GRIA4: variants seen among roughly 807,000 people sequenced by gnomAD.
GRIA4 encodes the protein glutamate ionotropic receptor AMPA type subunit 4.
Under a neutral mutation model 104.0 loss-of-function variants are expected in GRIA4, and 34 were observed. The observed-to-expected ratio is 0.33, with a 90% CI of 0.25 to 0.44. The LOEUF is 0.44. Among genes scored for constraint, GRIA4 ranks in the 20% least tolerant of loss-of-function variants. The probability of loss-of-function intolerance (pLI) is 1.00; values close to 1 mark genes in which losing one functional copy is unlikely to be tolerated. For synonymous variants in GRIA4, 386 were observed against 381.9 expected (o/e 1.01, Z -0.13); for missense variants, 750 against 1,096.5 (o/e 0.68, Z 4.46).
rs1859256013 is a variant in GRIA4, at chr11:105,981,632, T to C, written c.*1893T>C. The C allele has an allele frequency of 6.7e-6, 1 of 148,280 alleles. No homozygotes were observed. The highest frequency in any genetic ancestry group is 2.5e-5 in the African/African-American group (1 of 39,820). 9.2% of individuals were successfully genotyped at this position (148,280 alleles called of 1,614,324 possible). On this transcript the variant is annotated 3_prime_UTR_variant, in exon 17 of 17. Transcript: ENST00000282499. ...ATTCCAAGCTCTTGAGAAGATCACA[T>C]GAGCCCCTTCATGACCTGGCGCTTG... is the stretch of plus-strand genomic sequence containing the variant.
At chr11:105,788,221 T>A (rs1257669036) in intron 4 of GRIA4, among the ~76,000 whole-genome samples, 1 of 152,188 alleles carries the variant, frequency 6.6e-6, no homozygotes, top group African/African-American at 2.4e-5. Flanking sequence ...TAAGACATTT[T>A]ATTATTAGAA....
In GRIA4 at chr11:105,884,220, C is replaced by T. The variant is rs142776145; in HGVS notation, c.673-3299C>T. 4.6e-5 allele frequency among the ~76,000 whole-genome samples: 7 copies of T among 152,354 alleles called. No homozygotes were observed. The East Asian group carries it at 1.3e-3, about 29-fold the overall frequency. On this transcript the variant is annotated intron_variant, in intron 5 of 16. Transcript: ENST00000282499. Reference sequence around the variant, plus strand: ...AGCCACACTTGTGTGAACACAGTTCCATTTTATATTCCTATCTTTCAACTC... The same window carrying T: ...AGCCACACTTGTGTGAACACAGTTCTATTTTATATTCCTATCTTTCAACTC...
At chr11:105,637,948 T>A (rs1444612945) in intron 3 of GRIA4, among the ~76,000 whole-genome samples, 1 of 152,198 alleles carries the variant, frequency 6.6e-6, no homozygotes, top group Admixed American at 6.6e-5. Context: ...TTTAATTTCA[T>A]TCATTTATTT....
chr11:105,672,703 T>C (rs1952413119), intron 3 of GRIA4, among the ~76,000 whole-genome samples: 2 of 152,092 alleles, frequency 1.3e-5, no homozygotes, highest in Admixed American at 1.3e-4. Context: ...TCTTGCTGCA[T>C]TGGCACCTTT....
intron 3 of GRIA4, among the ~76,000 whole-genome samples, chr11:105,631,315 G>A (rs1951030403): frequency 6.6e-6 from 1 of 152,138 alleles, no homozygotes; most frequent in African/African-American, 2.4e-5. Context: ...TGAGCCAGAG[G>A]ATAGCTTAAG....
intron 3 of GRIA4, among the ~76,000 whole-genome samples, chr11:105,620,258 A>C (rs1950707212): frequency 1.3e-5 from 2 of 151,910 alleles, no homozygotes; most frequent in Admixed American, 1.3e-4. Context: ...TTGTAATAAT[A>C]ATAACTACTA....
chr11:105,912,409 A>C, intron 10 of GRIA4: 1 of 961,400 alleles, frequency 1.0e-6, no homozygotes, highest in Non-Finnish European at 1.2e-6. Context: ...GGACTGGACA[A>C]ATAAATCTTA....
intron 3 of GRIA4, among the ~76,000 whole-genome samples, chr11:105,657,485 C>T (rs1272428165): frequency 2.6e-5 from 4 of 151,878 alleles, no homozygotes; most frequent in Non-Finnish European, 4.4e-5. Context: ...AGAAGTTATT[C>T]TTCAATGCAC....
chr11:105,901,783 T>C lies in GRIA4; in HGVS notation c.886-2031T>C, dbSNP rs150763934. 3.5e-4 allele frequency among the ~76,000 whole-genome samples: 54 copies of C among 152,288 alleles called. No individual in the cohort carries two copies. In the East Asian group the frequency reaches 8.7e-3, roughly 25 times the overall value. On this transcript the variant is annotated intron_variant, in intron 7 of 16. Transcript: ENST00000282499. ...AACTTTTTAAAACACAAAAAGTGCA[T>C]TTGCTTTTTGGTGCCATCTCTTCTC...
intron 3 of GRIA4, among the ~76,000 whole-genome samples, chr11:105,648,679 G>T (rs1008678382): frequency 6.6e-6 from 1 of 152,022 alleles, no homozygotes; most frequent in Non-Finnish European, 1.5e-5. Flanking sequence ...GAGGCTAAAA[G>T]GTAGAAAATT....
intron 14 of GRIA4, among the ~76,000 whole-genome samples, chr11:105,941,469 A>C (rs1948178604): frequency 6.6e-6 from 1 of 152,182 alleles, no homozygotes; most frequent in Admixed American, 6.6e-5. Context: ...CTGAAGCATT[A>C]GAGAAAACTA....
At chr11:105,788,589 A>G (rs1485365040) in intron 4 of GRIA4, among the ~76,000 whole-genome samples, 1 of 152,170 alleles carries the variant, frequency 6.6e-6, no homozygotes, top group East Asian at 1.9e-4. Flanking sequence ...TCATTTCATT[A>G]TAGCCACATG....
chr11:105,746,510 T>C (rs1356601217), intron 3 of GRIA4, among the ~76,000 whole-genome samples: 1 of 151,760 alleles, frequency 6.6e-6, no homozygotes, highest in Admixed American at 6.6e-5. Context: ...TTGCTGAAAA[T>C]GAAATTTCTG....
intron 3 of GRIA4, among the ~76,000 whole-genome samples, chr11:105,739,839 T>C (rs1367874359): frequency 2.0e-5 from 3 of 152,188 alleles, no homozygotes; most frequent in Non-Finnish European, 4.4e-5. Flanking sequence ...TAATAAGATT[T>C]ATTTTAAAAG....
chr11:105,882,036 C>T (rs1946083576), intron 5 of GRIA4, among the ~76,000 whole-genome samples: 1 of 152,090 alleles, frequency 6.6e-6, no homozygotes, highest in East Asian at 1.9e-4. Flanking sequence ...TTGTTTTTAT[C>T]TGCAGTAAAA....
chr11:105,833,742 A>G (rs1054689847), intron 4 of GRIA4, among the ~76,000 whole-genome samples: 5 of 152,024 alleles, frequency 3.3e-5, no homozygotes, highest in African/African-American at 1.2e-4. Context: ...TCTATTTTTT[A>G]AAGTGCAGAT....
chr11:105,817,527 G>T lies in GRIA4; in HGVS notation c.488-44497G>T, dbSNP rs1943425643. 2.0e-5 allele frequency among the ~76,000 whole-genome samples: 3 copies of T among 151,618 alleles called. No homozygotes were observed. The South Asian group carries it at 6.3e-4, about 32-fold the overall frequency. ...ATTCATTCCTTTACAACTAGAGCAA[G>T]ATGTGTCAGGTGTATCATACATTTC... On this transcript the variant is annotated intron_variant, in intron 4 of 16. Transcript: ENST00000282499.
At chr11:105,772,117 C>T (rs989544659) in intron 4 of GRIA4, among the ~76,000 whole-genome samples, 12 of 152,106 alleles carry the variant, frequency 7.9e-5, no homozygotes, top group Admixed American at 7.9e-4. Flanking sequence ...TCACTTGAAG[C>T]GACATGTGAT....
At chr11:105,917,165 T>C (rs1258220290) in intron 10 of GRIA4, among the ~76,000 whole-genome samples, 10 of 152,282 alleles carry the variant, frequency 6.6e-5, no homozygotes, top group Non-Finnish European at 1.2e-4. Context: ...AAGAGGCAAT[T>C]GGATGCCTTA....
Sources: allele counts gnomAD v4.1 joint callset (sites outside exome capture counted in the v4.1 genomes callset), GRCh38; gene constraint gnomAD v4.1.1; transcripts MANE v1.5; gene names NCBI Gene and HGNC (gene_info 2026-07-23, HGNC 2026-07-21).